The following IRGM variants were observed in gnomAD, a reference collection of about 807,000 sequenced individuals.
The protein encoded by IRGM is immunity related GTPase M.
For missense variants in IRGM, 288 were observed against 219.9 expected, an observed-to-expected ratio of 1.31 and a Z score of -1.96; for synonymous variants, 98 against 80.6, an observed-to-expected ratio of 1.22 and a Z score of -1.16.
chr5:150,888,862 C>T (rs569198048), intron 3 of IRGM, among the ~76,000 whole-genome samples: 12 of 152,098 alleles, frequency 7.9e-5, no homozygotes, highest in East Asian at 1.9e-4. Context: ...AATCTATGGA[C>T]GAATTTGGGG....
At chr5:150,878,595 TTA>T (rs1754400428) in intron 2 of IRGM, among the ~76,000 whole-genome samples, 1 of 152,166 alleles carries the variant, frequency 6.6e-6, no homozygotes, top group African/African-American at 2.4e-5. Context: ...TATTTAGAAT[TTA>T]TCTTTATCCA....
Position 150,848,110 on chromosome 5 carries a change from G to T in IRGM, c.-14G>T, listed in dbSNP as rs1430000105. On this transcript the variant is annotated 5_prime_UTR_variant, in exon 2 of 2. Transcript: ENST00000522154. ...GCCACGGCGCCTGGCCAGCATTGGG[G>T]TATTTTATTGAAGATGGAAGCCATG... 6.5e-7 allele frequency: 1 copy of T among 1,532,408 alleles called. No individual in the cohort carries two copies. Among genetic ancestry groups the T allele is most frequent in the Admixed American group, 2.0e-5 (1 of 49,314 alleles). The allele number at this position is 1,532,408 out of a possible 1,614,324, so 94.9% of individuals were successfully genotyped here.
At chr5:150,890,458 CT>C (rs1320614244) in intron 3 of IRGM, among the ~76,000 whole-genome samples, 49 of 151,028 alleles carry the variant, frequency 3.2e-4, no homozygotes, top group Admixed American at 3.0e-3. Flanking sequence ...GATGTATTTT[CT>C]TTTTTTCTAT....
downstream of IRGM, among the ~76,000 whole-genome samples, chr5:150,901,262 A>T (rs904244781): frequency 6.6e-6 from 1 of 152,148 alleles, no homozygotes; most frequent in African/African-American, 2.4e-5. Flanking sequence ...CAGATAGGTA[A>T]GTTTACATTT....
At chr5:150,898,818 C>T (rs1409198662) in intron 3 of IRGM, among the ~76,000 whole-genome samples, 1 of 151,844 alleles carries the variant, frequency 6.6e-6, no homozygotes, top group African/African-American at 2.4e-5. Flanking sequence ...TTGGATGAAT[C>T]GTTTTGAAAC....
At chr5:150,864,666 A>G (rs575021468) in intron 1 of IRGM, among the ~76,000 whole-genome samples, 19 of 152,284 alleles carry the variant, frequency 1.2e-4, no homozygotes, top group South Asian at 1.2e-3. Context: ...CTGTCAGCCT[A>G]TTTTTCTCCT....
intron 1 of IRGM, among the ~76,000 whole-genome samples, chr5:150,864,913 T>A (rs10057072): frequency 0.033 from 5,089 of 152,294 alleles, 276 homozygotes; most frequent in African/African-American, 0.12. Context: ...CTCTTGACGA[T>A]GGGCGTGTCC....
intron 3 of IRGM, chr5:150,896,664 T>C: frequency 6.2e-7 from 1 of 1,613,526 alleles, no homozygotes; most frequent in Non-Finnish European, 8.5e-7. Context: ...TTTTAAGTTC[T>C]TTTTAAAAGC....
intron 1 of IRGM, among the ~76,000 whole-genome samples, chr5:150,865,918 G>A (rs569383529): frequency 2.0e-5 from 3 of 152,090 alleles, no homozygotes; most frequent in South Asian, 2.1e-4. Context: ...CACCATGCCC[G>A]GCTAATTTTT....
At chr5:150,892,400 TTTAA>T (rs1454721937) in intron 3 of IRGM, among the ~76,000 whole-genome samples, 2 of 151,906 alleles carry the variant, frequency 1.3e-5, no homozygotes, top group Admixed American at 1.3e-4. Flanking sequence ...ATATCTGAGT[TTTAA>T]TTAATCTCTC....
At chr5:150,890,524 C>A (rs1754593744) in intron 3 of IRGM, among the ~76,000 whole-genome samples, 2 of 150,520 alleles carry the variant, frequency 1.3e-5, no homozygotes, top group African/African-American at 4.9e-5. Context: ...TTCATTTTTT[C>A]CTACTCCTAT....
chr5:150,880,483 A>G (rs1296445541), intron 3 of IRGM, among the ~76,000 whole-genome samples: 4 of 152,178 alleles, frequency 2.6e-5, no homozygotes, highest in Non-Finnish European at 5.9e-5. Context: ...CTTCTCAGGA[A>G]CCACACACTC....
intron 3 of IRGM, among the ~76,000 whole-genome samples, chr5:150,889,167 G>T (rs114102128): frequency 7.5e-4 from 113 of 150,776 alleles, no homozygotes; most frequent in African/African-American, 2.7e-3. Context: ...ATACATGACC[G>T]TATTAGTTCG....
At chr5:150,880,137 G>C (rs2113286690) in intron 3 of IRGM, among the ~76,000 whole-genome samples, 1 of 152,246 alleles carries the variant, frequency 6.6e-6, no homozygotes, top group South Asian at 2.1e-4. Flanking sequence ...TGACTTCACT[G>C]TCATTATTTG....
intron 1 of IRGM, among the ~76,000 whole-genome samples, chr5:150,858,551 C>T (rs1008152277): frequency 6.6e-6 from 1 of 152,144 alleles, no homozygotes; most frequent in African/African-American, 2.4e-5. Flanking sequence ...ATTCTTCCTA[C>T]CCATAAGCAT....
At chr5:150,889,954 G>A (rs1223644990) in intron 3 of IRGM, among the ~76,000 whole-genome samples, 2 of 151,984 alleles carry the variant, frequency 1.3e-5, no homozygotes, top group Non-Finnish European at 2.9e-5. Context: ...CAATAGTTAT[G>A]AGGGATATTG....
At chr5:150,853,724 C>G (rs1754008150) in intron 1 of IRGM, among the ~76,000 whole-genome samples, 1 of 151,912 alleles carries the variant, frequency 6.6e-6, no homozygotes, top group Admixed American at 6.6e-5. Flanking sequence ...GTATAGCCAC[C>G]CCTGCTCTCT....
chr5:150,862,334 G>A (rs745654119), intron 1 of IRGM, among the ~76,000 whole-genome samples: 1 of 152,228 alleles, frequency 6.6e-6, no homozygotes, highest in Non-Finnish European at 1.5e-5. Flanking sequence ...GCTATAGTCT[G>A]TTGGTTAGAA....
intron 1 of IRGM, among the ~76,000 whole-genome samples, chr5:150,872,081 A>G (rs997287727): frequency 1.3e-5 from 2 of 152,148 alleles, no homozygotes; most frequent in Non-Finnish European, 2.9e-5. Context: ...ATTTCCTTTA[A>G]TATGCATATT....
Sources: gnomAD v4.1 joint callset for allele counts (sites outside exome capture counted in the v4.1 genomes callset) on GRCh38, gnomAD v4.1.1 for gene constraint, MANE v1.5 for transcripts, NCBI Gene and HGNC (gene_info 2026-07-23, HGNC 2026-07-21) for gene names.